CDKAL1: variants seen among roughly 807,000 people sequenced by gnomAD.
CDKAL1 encodes the protein threonylcarbamoyladenosine tRNA methylthiotransferase.
In CDKAL1, 32 loss-of-function variants were observed where a neutral mutation model predicts 68.2. The ratio of observed to expected loss-of-function variants is 0.47; its 90% CI spans 0.35 to 0.63. The LOEUF (loss-of-function observed/expected upper bound fraction) is 0.63. CDKAL1 is among the 30% of genes least tolerant of loss of function. The pLI, the probability that CDKAL1 is intolerant of heterozygous loss-of-function variation, is 0.00. For missense variants in CDKAL1, 606 were observed against 696.7 expected (o/e 0.87, Z 1.47); for synonymous variants, 234 against 244.3 (o/e 0.96, Z 0.39).
rs1282314345 is a variant in CDKAL1 at position 21,108,410 on chromosome 6, A to C, written c.1246A>C (p.Arg416=). 6.2e-7 allele frequency: 1 copy of C among 1,604,966 alleles called. No individual in the cohort carries two copies. Among genetic ancestry groups the C allele is most frequent in the South Asian group, 1.1e-5 (1 of 88,368 alleles). The part of the protein sequence containing the change: ...EQVPAQVKKQ[R]TKDLSRVFHS... ...TTGTTTTTTTTCACAGAAAAAGCAA[A>C]GGACAAAAGATCTTTCTCGGGTGTT... Residue 416 remains arginine, a synonymous_variant, in exon 13 of 16, where the codon AGG becomes CGG. Coordinates refer to ENST00000274695, the MANE Select transcript of CDKAL1 (RefSeq NM_017774.3).
At chr6:20,971,824 T>C (rs1231744976) in intron 10 of CDKAL1, among the ~76,000 whole-genome samples, 1 of 152,240 alleles carries the variant, frequency 6.6e-6, no homozygotes, top group African/African-American at 2.4e-5. Flanking sequence ...AGCTGAATGA[T>C]GTAGATTTTA....
intron 13 of CDKAL1, among the ~76,000 whole-genome samples, chr6:21,195,121 A>C (rs1229305404): frequency 6.6e-6 from 1 of 152,028 alleles, no homozygotes; most frequent in African/African-American, 2.4e-5. Flanking sequence ...GCAGCTTTTG[A>C]TCAAAGCCCT....
At chr6:20,970,642 T>C (rs1023713827) in intron 10 of CDKAL1, among the ~76,000 whole-genome samples, 1 of 152,210 alleles carries the variant, frequency 6.6e-6, no homozygotes, top group African/African-American at 2.4e-5. Flanking sequence ...ATAAAGCTTT[T>C]GAGGAAGAAC....
chr6:21,008,982 T>C (rs1767876002), intron 11 of CDKAL1, among the ~76,000 whole-genome samples: 1 of 152,210 alleles, frequency 6.6e-6, no homozygotes, highest in South Asian at 2.1e-4. Flanking sequence ...CGCTGGCTAA[T>C]AGCTAAGAAT....
At chr6:21,210,907 C>T (rs1245269001) in intron 15 of CDKAL1, among the ~76,000 whole-genome samples, 1 of 152,194 alleles carries the variant, frequency 6.6e-6, no homozygotes, top group Admixed American at 6.5e-5. Flanking sequence ...TAAGAGGTGT[C>T]GCCTCTGCTC....
intron 10 of CDKAL1, among the ~76,000 whole-genome samples, chr6:20,988,192 G>A (rs1482348702): frequency 6.6e-6 from 1 of 150,698 alleles, no homozygotes; most frequent in African/African-American, 2.4e-5. Context: ...ATGTGTGTGT[G>A]TGTGTGTGTG....
intron 9 of CDKAL1, among the ~76,000 whole-genome samples, chr6:20,929,234 G>A (rs898794588): frequency 7.2e-5 from 11 of 152,210 alleles, no homozygotes; most frequent in Non-Finnish European, 7.3e-5. Context: ...GCCAAGAGAT[G>A]ACTTAAATAT....
At chr6:20,666,386 T>C (rs950313601) in intron 5 of CDKAL1, among the ~76,000 whole-genome samples, 3 of 152,108 alleles carry the variant, frequency 2.0e-5, no homozygotes, top group African/African-American at 4.8e-5. Context: ...GTGGAAGTTG[T>C]TTTTTGATAG....
intron 7 of CDKAL1, among the ~76,000 whole-genome samples, chr6:20,775,227 C>T (rs1363094069): frequency 6.6e-6 from 1 of 152,220 alleles, no homozygotes; most frequent in East Asian, 1.9e-4. Context: ...AGCATCATCT[C>T]CCCATCTGTT....
At chr6:21,045,496 G>A (rs938389727) in intron 11 of CDKAL1, among the ~76,000 whole-genome samples, 3 of 152,158 alleles carry the variant, frequency 2.0e-5, no homozygotes, top group Non-Finnish European at 2.9e-5. Context: ...GTGGGCACCT[G>A]TCTCCCTTTC....
chr6:21,180,789 G>T (rs965899321), intron 13 of CDKAL1, among the ~76,000 whole-genome samples: 5 of 151,998 alleles, frequency 3.3e-5, no homozygotes, highest in African/African-American at 1.2e-4. Flanking sequence ...GGTAAGAAAA[G>T]AACTGTTTAT....
chr6:20,555,675 T>C (rs1052279360), intron 4 of CDKAL1, among the ~76,000 whole-genome samples: 1 of 131,864 alleles, frequency 7.6e-6, no homozygotes, highest in Non-Finnish European at 1.6e-5. Flanking sequence ...CAGGCCAGAG[T>C]GCAGTGGCGC....
chr6:21,153,235 CTTTTTTTTTTTT>C lies in CDKAL1; in HGVS notation c.1300-44774_1300-44763del, dbSNP rs1162272560. 4.1e-3 allele frequency among the ~76,000 whole-genome samples: 391 copies of C among 96,232 alleles called. 5 individuals carry two copies. In the Admixed American group the frequency reaches 0.041, roughly 10 times the overall value. The allele number at this position is 96,232 out of a possible 152,430, so 63.1% of individuals were successfully genotyped here. A position where few individuals can be genotyped will look rare whatever the true frequency, so the allele number is the denominator to read the frequency against. On this transcript the variant is annotated intron_variant, in intron 13 of 15. Coordinates refer to ENST00000274695, the MANE Select transcript of CDKAL1 (RefSeq NM_017774.3). Reference sequence around the variant, plus strand: ...TTGGCAGGGTAGAGGTATGTGATTTCTTTTTTTTTTTTTTTTTTTTTTTAATCGTTAAGCGTT... The same window carrying C: ...TTGGCAGGGTAGAGGTATGTGATTTCTTTTTTTTTTTAATCGTTAAGCGTT...
intron 4 of CDKAL1, among the ~76,000 whole-genome samples, chr6:20,622,119 C>A (rs1261834115): frequency 2.0e-5 from 3 of 152,064 alleles, no homozygotes; most frequent in South Asian, 2.1e-4. Flanking sequence ...ATTTTAAGAA[C>A]ACTTTTTAAG....
chr6:20,971,068 C>G (rs963899661), intron 10 of CDKAL1, among the ~76,000 whole-genome samples: 2 of 152,180 alleles, frequency 1.3e-5, no homozygotes, highest in Admixed American at 1.3e-4. Context: ...AGGCTGGTCT[C>G]TAACTCCTGA....
chr6:21,171,800 T>C (rs1001200557), intron 13 of CDKAL1, among the ~76,000 whole-genome samples: 1 of 152,180 alleles, frequency 6.6e-6, no homozygotes, highest in East Asian at 1.9e-4. Context: ...AATTGCTTTT[T>C]AGAAAAGCTG....
intron 9 of CDKAL1, among the ~76,000 whole-genome samples, chr6:20,942,365 ACTT>A (rs1561902913): frequency 1.2e-4 from 9 of 72,846 alleles, no homozygotes; most frequent in East Asian, 5.5e-4. Context: ...GTATATATAT[ACTT>A]TTTTTTTTTT....
chr6:20,582,528 T>C (rs947482629), intron 4 of CDKAL1, among the ~76,000 whole-genome samples: 1 of 152,212 alleles, frequency 6.6e-6, no homozygotes, highest in African/African-American at 2.4e-5. Flanking sequence ...TTTTTTCCTC[T>C]CTAGAACCTC....
intron 9 of CDKAL1, among the ~76,000 whole-genome samples, chr6:20,896,220 C>A (rs1411316864): frequency 6.6e-6 from 1 of 151,322 alleles, no homozygotes; most frequent in African/African-American, 2.4e-5. Flanking sequence ...CCTGCCTCAG[C>A]CTCCCGAGTA....
Sources: allele counts gnomAD v4.1 joint callset (sites outside exome capture counted in the v4.1 genomes callset), GRCh38; gene constraint gnomAD v4.1.1; transcripts MANE v1.5; gene names NCBI Gene and HGNC (gene_info 2026-07-23, HGNC 2026-07-21).